Variants in USP32 observed in about 807,000 individuals in gnomAD.
USP32 encodes ubiquitin carboxyl-terminal hydrolase 32.
USP32 carries 59 observed loss-of-function variants against 204.8 expected under a neutral mutation model. The ratio of observed to expected loss-of-function variants is 0.29; its 90% CI spans 0.23 to 0.36. The LOEUF (loss-of-function observed/expected upper bound fraction) is 0.36. USP32 is among the 10% of genes least tolerant of loss of function. The pLI is 1.00. For missense variants in USP32, 1,160 were observed against 1,946.4 expected (o/e 0.60, Z 7.60); for synonymous variants, 517 against 678.4 (o/e 0.76, Z 3.70).
chr17:60,279,736 C>T (rs557055378), intron 5 of USP32, among the ~76,000 whole-genome samples: 159 of 151,386 alleles, frequency 1.1e-3, no homozygotes, highest in Non-Finnish European at 1.8e-3. Context: ...AGTTGGGAGG[C>T]TGAGGTGGGG....
At chr17:60,281,304 C>T (rs1280552811) in intron 5 of USP32, among the ~76,000 whole-genome samples, 3 of 152,066 alleles carry the variant, frequency 2.0e-5, no homozygotes, top group African/African-American at 4.8e-5. Context: ...TTCGGGAGGC[C>T]GAGGCGGATG....
At chr17:60,383,394 A>G (rs1259627683) in intron 1 of USP32, among the ~76,000 whole-genome samples, 1 of 152,100 alleles carries the variant, frequency 6.6e-6, no homozygotes, top group Non-Finnish European at 1.5e-5. Context: ...TCTCTCCATT[A>G]TTTATACATT....
intron 1 of USP32, among the ~76,000 whole-genome samples, chr17:60,407,907 G>A (rs1236096165): frequency 6.6e-6 from 1 of 151,882 alleles, no homozygotes; most frequent in Non-Finnish European, 1.5e-5. Context: ...AGACCAGCCT[G>A]GCCAACATGG....
chr17:60,183,529 A>G, intron 30 of USP32, 76 bp from the exon 31 acceptor site: 8 of 1,479,490 alleles, frequency 5.4e-6, no homozygotes, highest in Non-Finnish European at 7.3e-6. Context: ...AAAACAAGTC[A>G]AATACATGTG....
At chr17:60,229,522 TAGA>T (rs1442413400) in intron 12 of USP32, among the ~76,000 whole-genome samples, 2 of 152,232 alleles carry the variant, frequency 1.3e-5, no homozygotes, top group Non-Finnish European at 2.9e-5. Context: ...ACTTGTGTTT[TAGA>T]AGAAGATTTA....
intron 2 of USP32, among the ~76,000 whole-genome samples, chr17:60,329,116 T>A (rs2088315944): frequency 6.6e-6 from 1 of 152,186 alleles, no homozygotes; most frequent in African/African-American, 2.4e-5. Flanking sequence ...ACTCCATAAA[T>A]ATGTATAATT....
At chr17:60,307,903 G>A (rs369440271) in intron 2 of USP32, among the ~76,000 whole-genome samples, 3 of 152,352 alleles carry the variant, frequency 2.0e-5, no homozygotes, top group African/African-American at 7.2e-5. Context: ...ACAAGTGGCT[G>A]GACGTCCAGA....
At chr17:60,235,578 A>T (rs183670577) in intron 12 of USP32, among the ~76,000 whole-genome samples, 2 of 152,248 alleles carry the variant, frequency 1.3e-5, no homozygotes, top group Non-Finnish European at 2.9e-5. Context: ...ATGAGTGTAT[A>T]TATCAGTTGG....
intron 1 of USP32, 149 bp from the exon 2 acceptor site, chr17:60,345,757 G>A (rs1454942139): frequency 4.0e-6 from 4 of 990,240 alleles, no homozygotes; most frequent in African/African-American, 1.6e-5. Flanking sequence ...CAAGGCAGGC[G>A]GATCACTTAA....
chr17:60,421,076 T>C (rs1028854717), intron 1 of USP32: 9 of 152,312 alleles, frequency 5.9e-5, no homozygotes, highest in African/African-American at 2.2e-4. Context: ...TTAAAATACA[T>C]TGTTTACCAA....
chr17:60,422,390 C>A, exon 1 of USP32: 2 of 1,348,734 alleles, frequency 1.5e-6, no homozygotes, highest in Non-Finnish European at 2.0e-6. Flanking sequence ...GCTGGAGGGG[C>A]CAGCTGCAGC....
chr17:60,363,890 A>C (rs1379180427), intron 1 of USP32, among the ~76,000 whole-genome samples: 1 of 152,032 alleles, frequency 6.6e-6, no homozygotes, highest in African/African-American at 2.4e-5. Context: ...GGGAGAAAGA[A>C]GGAAGTGTTG....
chr17:60,330,594 C>T (rs552706560), intron 2 of USP32, among the ~76,000 whole-genome samples: 1 of 150,626 alleles, frequency 6.6e-6, no homozygotes, highest in South Asian at 2.1e-4. Flanking sequence ...TCACCCAGGT[C>T]GGAGTGCAGT....
chr17:60,392,241 T>G, upstream of USP32: 17 of 274,428 alleles, frequency 6.2e-5, no homozygotes, highest in East Asian at 5.2e-4. Context: ...TTCCGCCCCC[T>G]CCCGCCAGCT....
intron 29 of USP32, among the ~76,000 whole-genome samples, chr17:60,188,103 C>T (rs2084294485): frequency 6.6e-6 from 1 of 152,150 alleles, no homozygotes; most frequent in South Asian, 2.1e-4. Flanking sequence ...ACCTCAGCCT[C>T]CCAAGTAGCT....
At chr17:60,369,768 A>T (rs899880914) in intron 1 of USP32, among the ~76,000 whole-genome samples, 2 of 152,122 alleles carry the variant, frequency 1.3e-5, no homozygotes, top group Non-Finnish European at 2.9e-5. Flanking sequence ...TTTAAGAGAC[A>T]GGTTCTTGCT....
intron 1 of USP32, among the ~76,000 whole-genome samples, chr17:60,369,017 C>G (rs1489292871): frequency 1.1e-5 from 1 of 91,610 alleles, no homozygotes; most frequent in Admixed American, 1.1e-4. Context: ...TTTTTTGAGA[C>G]GGAGTCTCGC....
chr17:60,178,140 T>C lies in USP32; in HGVS notation c.*1115A>G, dbSNP rs575802300. On this transcript the variant is annotated 3_prime_UTR_variant, in exon 34 of 34. Coordinates refer to ENST00000300896, the MANE Select transcript of USP32 (RefSeq NM_032582.4). ...ACATGCAAACAAAGCAAAACTAAAG[T>C]TGACTTCCTAAAACCACCAATTTCA... Among the ~76,000 whole-genome samples the C allele has an allele frequency of 9.8e-5, 15 of 152,314 alleles. No homozygotes were observed. The highest frequency in any genetic ancestry group is 5.8e-4 in the East Asian group (3 of 5,188).
chr17:60,203,530 C>T (rs1332518811), intron 26 of USP32, among the ~76,000 whole-genome samples: 2 of 151,480 alleles, frequency 1.3e-5, no homozygotes, highest in African/African-American at 2.4e-5. Flanking sequence ...CTTGTTGCTG[C>T]TATACAATCA....
Sources: allele counts gnomAD v4.1 joint callset (sites outside exome capture counted in the v4.1 genomes callset), GRCh38; gene constraint gnomAD v4.1.1; transcripts MANE v1.5; gene names NCBI Gene and HGNC (gene_info 2026-07-23, HGNC 2026-07-21).